Variants in TRAFD1 observed in about 807,000 individuals in gnomAD.
The protein encoded by TRAFD1 is TRAF-type zinc finger domain containing 1.
Under a neutral mutation model 65.3 loss-of-function variants are expected in TRAFD1, and 38 were observed. That is an observed-to-expected ratio of 0.58 (90% CI 0.45 to 0.76). The LOEUF (loss-of-function observed/expected upper bound fraction) is 0.76. Among genes scored for constraint, TRAFD1 ranks in the 30% least tolerant of loss-of-function variants. TRAFD1 has a pLI of 0.00. For missense variants in TRAFD1, 631 were observed against 712.6 expected (o/e 0.89, Z 1.30); for synonymous variants, 223 against 257.2 (o/e 0.87, Z 1.27).
intron 9 of TRAFD1, among the ~76,000 whole-genome samples, 159 bp from the exon 10 acceptor site, chr12:112,151,642 C>T (rs761384344): frequency 2.0e-5 from 3 of 152,088 alleles, no homozygotes; most frequent in Middle Eastern, 3.2e-3. Flanking sequence ...AGGTGATCCC[C>T]GCACCTCGGC....
In TRAFD1 at chr12:112,134,833, A is replaced by G. The variant is rs149665047; in HGVS notation, c.143A>G (p.Lys48Arg). 4.6e-5 allele frequency: 75 copies of G among 1,613,574 alleles called. No individual in the cohort carries two copies. Among genetic ancestry groups the G allele is most frequent in the Middle Eastern group, 3.3e-4 (2 of 6,084 alleles). ...MCPTCKEPFP[K>R]SDMETHMAAE... is the part of the protein sequence containing the mutation. ...CCTACCTGTAAGGAACCATTTCCCA[A>G]ATCTGACATGGAGACTCACATGGCT... The change falls in exon 3 of 12, where the codon AAA becomes AGA. Residue 48 changes from lysine to arginine, a missense_variant. Coordinates refer to ENST00000412615, the MANE Select transcript of TRAFD1 (RefSeq NM_006700.3).
At chr12:112,149,497 A>T (rs188596980) in intron 8 of TRAFD1, 14 of 351,266 alleles carry the variant, frequency 4.0e-5, no homozygotes, top group Non-Finnish European at 5.8e-5. Context: ...AAAGAAATAA[A>T]TGTTTTTCTG....
At position 112,142,295 on chromosome 12, in the gene TRAFD1, G is replaced by A; in HGVS notation, c.850G>A (p.Gly284Ser). Reference protein sequence around the residue: ...GGPRSLSDIKGAADEIMLPCE... With the variant: ...GGPRSLSDIKSAADEIMLPCE... ...TCCCAGGTCTCTCAGTGACATAAAG[G>A]GTAGGCTTGCTTATTCTGCACTAGC... The change falls in exon 6 of 12, where the codon GGT becomes AGT. Residue 284 changes from glycine to serine, a missense_variant and splice_region_variant. Gly to Ser is a moderately conservative substitution (Grantham distance 56, BLOSUM62 0). Transcript: ENST00000412615. 1 of 1,611,400 alleles carries A rather than the reference G, an allele frequency of 6.2e-7. No individual in the cohort carries two copies. The highest frequency in any genetic ancestry group is 8.5e-7 in the Non-Finnish European group (1 of 1,177,830).
intron 1 of TRAFD1, among the ~76,000 whole-genome samples, chr12:112,129,792 G>A (rs1363616714): frequency 6.6e-6 from 1 of 150,482 alleles, no homozygotes; most frequent in Non-Finnish European, 1.5e-5. Flanking sequence ...ACAGGCATGC[G>A]CCACCACACC....
At chr12:112,145,037 C>T (rs966086703) in intron 6 of TRAFD1, among the ~76,000 whole-genome samples, 2 of 152,212 alleles carry the variant, frequency 1.3e-5, no homozygotes, top group African/African-American at 2.4e-5. Flanking sequence ...AATTTCCCTA[C>T]ATCCCGCCAT....
intron 7 of TRAFD1, 28 bp downstream of exon 7, chr12:112,145,690 T>G: frequency 6.2e-7 from 1 of 1,608,130 alleles, no homozygotes; most frequent in East Asian, 2.2e-5. Context: ...TGAGGACTTT[T>G]AGTAGGATTG....
chr12:112,128,134 T>C (rs564155351), intron 1 of TRAFD1, among the ~76,000 whole-genome samples: 6 of 152,060 alleles, frequency 3.9e-5, no homozygotes, highest in Non-Finnish European at 8.8e-5. Context: ...CAATTCTGCT[T>C]CAGCCTCCCT....
chr12:112,146,164 T>TATA (rs1383166647), intron 7 of TRAFD1, among the ~76,000 whole-genome samples: 1 of 102,258 alleles, frequency 9.8e-6, no homozygotes, highest in Non-Finnish European at 2.0e-5. Context: ...AAACTTAAAG[T>TATA]ATAATAATAA....
intron 5 of TRAFD1, 168 bp from the exon 6 acceptor site, chr12:112,141,921 A>G (rs2030098319): frequency 1.5e-6 from 1 of 661,560 alleles, no homozygotes; most frequent in Admixed American, 2.9e-5. Context: ...GCAGACTTTA[A>G]TGTTCAAAGC....
chr12:112,151,419 C>T (rs1473452862), intron 9 of TRAFD1, among the ~76,000 whole-genome samples: 15 of 150,064 alleles, frequency 1.0e-4, no homozygotes, highest in Admixed American at 1.0e-3. Flanking sequence ...GAGACACAGT[C>T]TTGCTCTGTC....
chr12:112,129,359 G>A (rs146541440), intron 1 of TRAFD1, among the ~76,000 whole-genome samples: 37 of 151,872 alleles, frequency 2.4e-4, no homozygotes, highest in Middle Eastern at 3.4e-3. Flanking sequence ...GTGCCACCAC[G>A]TCTGGCTAAT....
intron 8 of TRAFD1, among the ~76,000 whole-genome samples, chr12:112,149,149 C>T (rs533542948): frequency 6.7e-6 from 1 of 149,684 alleles, no homozygotes; most frequent in South Asian, 2.1e-4. Context: ...ACCTGGGAGG[C>T]AGAGGTTGCA....
chr12:112,134,696 T>G (rs747122583), intron 2 of TRAFD1, 42 bp from the exon 3 acceptor site: 6 of 1,596,272 alleles, frequency 3.8e-6, no homozygotes, highest in Middle Eastern at 1.7e-4. Flanking sequence ...AGGCATAGAT[T>G]AGTCAGTAAT....
chr12:112,140,096 C>A, intron 4 of TRAFD1: 2 of 319,026 alleles, frequency 6.3e-6, no homozygotes, highest in East Asian at 1.2e-4. Context: ...TTCTAAAGTG[C>A]AGTTTCTTTT....
intron 1 of TRAFD1, chr12:112,126,098 G>A (rs1409455959): frequency 2.0e-5 from 3 of 152,268 alleles, no homozygotes; most frequent in Non-Finnish European, 4.4e-5. Flanking sequence ...CTAAAGTGGG[G>A]ACCAAGACTT....
At position 112,149,980 on chromosome 12, in the gene TRAFD1, T is replaced by A. The variant is rs118009731; in HGVS notation, c.1279+109T>A. 9.6e-4 allele frequency: 1,409 copies of A among 1,475,194 alleles called. 4 individuals are homozygous for A. Among genetic ancestry groups the A allele is most frequent in the Non-Finnish European group, 1.2e-3 (1,279 of 1,098,118 alleles). The allele number at this position is 1,475,194 out of a possible 1,614,324, so 91.4% of individuals were successfully genotyped here. A position where few individuals can be genotyped will look rare whatever the true frequency, so the allele number is the denominator to read the frequency against. On this transcript the variant is annotated intron_variant, in intron 9 of 11. Transcript: ENST00000412615. ...TGTGGGGATTACCTGCATCTCAAAT[T>A]TCCAAACACACTAGGGTCTCATAGG... is the stretch of plus-strand genomic sequence containing the variant.
chr12:112,149,884 C>T lies in TRAFD1; in HGVS notation c.1279+13C>T, dbSNP rs376713214. 3.7e-6 allele frequency: 6 copies of T among 1,613,680 alleles called. No homozygotes were observed. The African/African-American group carries it at 8.0e-5, about 22-fold the overall frequency. ...GTCAGACACCAGGGTATTTATTAGC[C>T]AGGACTCAGCCAAGGCCGCAGGTCT... On this transcript the variant is annotated intron_variant, in intron 9 of 11. Transcript: ENST00000412615.
At chr12:112,133,005 T>C (rs2079573561) in intron 2 of TRAFD1, 1 of 152,230 alleles carries the variant, frequency 6.6e-6, no homozygotes, top group Admixed American at 6.5e-5. Flanking sequence ...TTTACAATGG[T>C]CCTATCCAAA....
In TRAFD1 at chr12:112,142,287, A is replaced by G; in HGVS notation, c.842A>G (p.Asp281Gly). ...QSHGGPRSLS[D>G]IKGAADEIML... ...CATGGCGGTCCCAGGTCTCTCAGTGACATAAAGGGTAGGCTTGCTTATTCT... is the reference window on the plus strand; with the variant it reads ...CATGGCGGTCCCAGGTCTCTCAGTGGCATAAAGGGTAGGCTTGCTTATTCT... The change falls in exon 6 of 12, where the codon GAC (aspartate) becomes GGC (glycine). Residue 281 changes from aspartate (D) to glycine (G), a missense_variant. Physicochemically the swap from Asp to Gly is moderately conservative, Grantham distance 94. Coordinates refer to ENST00000412615, the MANE Select transcript of TRAFD1 (RefSeq NM_006700.3). 1 of 1,613,314 alleles carries G rather than the reference A, an allele frequency of 6.2e-7. No individual in the cohort carries two copies. The highest frequency in any genetic ancestry group is 2.2e-5 in the East Asian group (1 of 44,840).
Sources: gnomAD v4.1 joint callset for allele counts (sites outside exome capture counted in the v4.1 genomes callset) on GRCh38, gnomAD v4.1.1 for gene constraint, MANE v1.5 for transcripts, NCBI Gene and HGNC (gene_info 2026-07-23, HGNC 2026-07-21) for gene names.